The following ANKS1B variants were observed in gnomAD, a reference collection of about 807,000 sequenced individuals.
The protein encoded by ANKS1B is ankyrin repeat and sterile alpha motif domain containing 1B.
Under a neutral mutation model 148.3 loss-of-function variants are expected in ANKS1B, and 36 were observed. That is an observed-to-expected ratio of 0.24 (90% CI 0.19 to 0.32). ANKS1B has a LOEUF of 0.32. Among genes scored for constraint, ANKS1B ranks in the 10% least tolerant of loss-of-function variants. The pLI is 1.00. For synonymous variants in ANKS1B, 542 were observed against 560.8 expected, an observed-to-expected ratio of 0.97 and a Z score of 0.47; for missense variants, 1,157 against 1,542.6, an observed-to-expected ratio of 0.75 and a Z score of 4.19.
At chr12:98,971,714 G>A (rs1215567842) in intron 17 of ANKS1B, among the ~76,000 whole-genome samples, 1 of 152,142 alleles carries the variant, frequency 6.6e-6, no homozygotes, top group Non-Finnish European at 1.5e-5. Context: ...AGGATCCAGA[G>A]GGAATGAGGG....
chr12:99,684,125 C>T (rs2098636570), intron 8 of ANKS1B, among the ~76,000 whole-genome samples: 1 of 151,784 alleles, frequency 6.6e-6, no homozygotes, highest in African/African-American at 2.4e-5. Context: ...TCAGACAAGG[C>T]ACAGAAATAA....
chr12:99,380,810 G>A (rs1302976693), intron 12 of ANKS1B, among the ~76,000 whole-genome samples: 1 of 125,464 alleles, frequency 8.0e-6, no homozygotes, highest in Non-Finnish European at 1.7e-5. Context: ...CCTTTCTCAT[G>A]CTCCACAACA....
At chr12:99,464,132 A>G (rs1567152787) in intron 10 of ANKS1B, among the ~76,000 whole-genome samples, 2 of 152,166 alleles carry the variant, frequency 1.3e-5, no homozygotes, top group Non-Finnish European at 2.9e-5. Flanking sequence ...TTCGCGGTTG[A>G]TGAAAATCCA....
intron 2 of ANKS1B, among the ~76,000 whole-genome samples, chr12:99,817,248 T>G (rs560541285): frequency 6.6e-6 from 1 of 150,818 alleles, no homozygotes; most frequent in African/African-American, 2.4e-5. Context: ...CTCCCACATA[T>G]GAGTGAGAGC....
intron 17 of ANKS1B, among the ~76,000 whole-genome samples, chr12:98,956,780 T>C (rs2099862911): frequency 6.6e-6 from 1 of 152,166 alleles, no homozygotes; most frequent in Non-Finnish European, 1.5e-5. Flanking sequence ...CAATGCTGCA[T>C]TGTACGCAGA....
chr12:98,851,077 A>G (rs1455174493), intron 17 of ANKS1B, among the ~76,000 whole-genome samples: 2 of 152,236 alleles, frequency 1.3e-5, no homozygotes, highest in Admixed American at 1.3e-4. Context: ...TTTGAGAGTC[A>G]TGCCTTGATG....
chr12:99,364,501 C>T (rs1849762671), intron 12 of ANKS1B, among the ~76,000 whole-genome samples: 2 of 152,154 alleles, frequency 1.3e-5, no homozygotes, highest in African/African-American at 4.8e-5. Flanking sequence ...ATTTAAGCAA[C>T]ACAGACCATT....
intron 14 of ANKS1B, among the ~76,000 whole-genome samples, chr12:99,196,252 A>T (rs1385261023): frequency 6.6e-6 from 1 of 152,226 alleles, no homozygotes; most frequent in Non-Finnish European, 1.5e-5. Flanking sequence ...CAACAGTTCA[A>T]TTCCAAGTAG....
At chr12:99,119,590 G>A (rs1387729331) in intron 15 of ANKS1B, among the ~76,000 whole-genome samples, 4 of 152,148 alleles carry the variant, frequency 2.6e-5, no homozygotes, top group Non-Finnish European at 5.9e-5. Flanking sequence ...GGCTGCTGCT[G>A]GTAAGAGTAG....
intron 15 of ANKS1B, among the ~76,000 whole-genome samples, chr12:99,150,751 C>T (rs1031426894): frequency 7.2e-5 from 11 of 152,026 alleles, no homozygotes; most frequent in East Asian, 1.9e-4. Flanking sequence ...AACTTAGACA[C>T]ATTCTCTATG....
chr12:98,893,491 ACT>A (rs944208467), intron 17 of ANKS1B: 1 of 152,044 alleles, frequency 6.6e-6, no homozygotes, highest in Non-Finnish European at 1.5e-5. Flanking sequence ...AGAGAACTAG[ACT>A]CTCTTAGTAA....
intron 12 of ANKS1B, 150 bp downstream of exon 12, chr12:99,399,481 T>G (rs991199799): frequency 9.4e-6 from 7 of 743,938 alleles, no homozygotes; most frequent in Non-Finnish European, 1.3e-5. Context: ...ACAGCCACAC[T>G]GACAAGAATC....
chr12:99,842,443 T>C (rs2153698455), intron 1 of ANKS1B, among the ~76,000 whole-genome samples: 1 of 152,154 alleles, frequency 6.6e-6, no homozygotes, highest in East Asian at 1.9e-4. Flanking sequence ...CCCATCTGTG[T>C]ACTTCCTTGT....
intron 14 of ANKS1B, among the ~76,000 whole-genome samples, chr12:99,183,826 ATT>A (rs574313702): frequency 6.6e-5 from 10 of 152,274 alleles, no homozygotes; most frequent in Admixed American, 2.0e-4. Context: ...ATGGCCAAGG[ATT>A]ACTCTTGACT....
At chr12:98,895,118 CCGGG>C in intron 17 of ANKS1B, 4 of 985,244 alleles carry the variant, frequency 4.1e-6, no homozygotes, top group Non-Finnish European at 4.8e-6. Flanking sequence ...GGCTTGGCCG[CCGGG>C]GAGGGCTTAC....
At chr12:99,946,448 G>C (rs1372539182) in intron 1 of ANKS1B, among the ~76,000 whole-genome samples, 1 of 152,168 alleles carries the variant, frequency 6.6e-6, no homozygotes, top group East Asian at 1.9e-4. Context: ...ATGACAAAGA[G>C]AGAAAGAGAG....
intron 3 of ANKS1B, among the ~76,000 whole-genome samples, chr12:99,810,991 A>G (rs2068283181): frequency 6.6e-6 from 1 of 151,890 alleles, no homozygotes; most frequent in Non-Finnish European, 1.5e-5. Flanking sequence ...AAAGATAGCC[A>G]TATCTGTCAT....
chr12:99,707,141 C>A (rs746981106), intron 8 of ANKS1B, among the ~76,000 whole-genome samples: 3 of 152,072 alleles, frequency 2.0e-5, no homozygotes, highest in Non-Finnish European at 2.9e-5. Context: ...GATTTGAGCA[C>A]CTCTCCAACT....
chr12:99,062,969 T>G (rs1486852592), intron 16 of ANKS1B, among the ~76,000 whole-genome samples: 1 of 152,142 alleles, frequency 6.6e-6, no homozygotes, highest in Non-Finnish European at 1.5e-5. Flanking sequence ...TTAGACTTGG[T>G]GAGAGCTGGA....
Sources: gnomAD v4.1 joint callset for allele counts (sites outside exome capture counted in the v4.1 genomes callset) on GRCh38, gnomAD v4.1.1 for gene constraint, MANE v1.5 for transcripts, NCBI Gene and HGNC (gene_info 2026-07-23, HGNC 2026-07-21) for gene names.